Variants in LARP7 observed in about 807,000 individuals in gnomAD.
LARP7 encodes La ribonucleoprotein 7, transcriptional regulator, also known as la-related protein 7.
LARP7 carries 52 observed loss-of-function variants against 69.3 expected under a neutral mutation model. The observed-to-expected ratio is 0.75, with a 90% confidence interval of 0.60 to 0.95. The LOEUF (loss-of-function observed/expected upper bound fraction) is 0.95. Ranked by LOEUF, LARP7 falls within the 40% of genes least tolerant of loss-of-function variation. LARP7 has a pLI of 0.00. For missense variants in LARP7, 733 were observed against 673.0 expected (o/e 1.09, Z -0.99); for synonymous variants, 254 against 215.9 (o/e 1.18, Z -1.55).
chr4:112,644,635 T>C, intron 1 of LARP7, 33 bp from the exon 2 acceptor site: 1 of 1,495,300 alleles, frequency 6.7e-7, no homozygotes, highest in Non-Finnish European at 9.2e-7. Flanking sequence ...TGTGGTGATT[T>C]AAATATTTAC....
At position 112,647,090 on chromosome 4, in the gene LARP7, A is replaced by G; in HGVS notation, c.609A>G (p.Thr203=). The G allele has an allele frequency of 6.2e-7, 1 of 1,611,666 alleles. No individual in the cohort carries two copies. Residue 203 remains threonine, a synonymous_variant, in exon 6 of 13, where the codon ACA becomes ACG. Coordinates refer to ENST00000344442, the MANE Select transcript of LARP7 (RefSeq NM_016648.4). The stretch of plus-strand genomic sequence containing the variant: ...GAAAACCTGGCATATTTCCTAAAAC[A>G]GTGAAAAATAAGCCCATTCCAGCCT... ...APRKPGIFPK[T]VKNKPIPALR... is the part of the protein sequence containing the mutation.
chr4:112,647,896 A>G (rs2048401799), intron 8 of LARP7, 62 bp downstream of exon 8: 1 of 1,165,894 alleles, frequency 8.6e-7, no homozygotes, highest in South Asian at 1.2e-5. Flanking sequence ...CTAAAGTGCA[A>G]TTCCAATTTA....
Position 112,647,348 on chromosome 4 carries a change from A to T in LARP7, c.796A>T (p.Thr266Ser). 1 of 1,614,100 alleles carries T rather than the reference A, an allele frequency of 6.2e-7. No individual in the cohort carries two copies. The highest frequency in any genetic ancestry group is 8.5e-7 in the Non-Finnish European group (1 of 1,180,006). ...ATCTGAGGGCTCTGACATTGAGTCC[A>T]CTGAACCCCAAAAGCAGTGCTCAAA... ...PTSEGSDIES[T>S]EPQKQCSKKK... is the part of the protein sequence containing the mutation. The change falls in exon 7 of 13, where the codon ACT becomes TCT. Residue 266 changes from threonine to serine, a missense_variant. By Grantham distance (58) the Thr-to-Ser change is moderately conservative. Coordinates refer to ENST00000344442, the MANE Select transcript of LARP7 (RefSeq NM_016648.4).
intron 12 of LARP7, 188 bp downstream of exon 12, chr4:112,654,347 A>G: frequency 4.1e-6 from 2 of 482,124 alleles, no homozygotes; most frequent in South Asian, 7.0e-5. Flanking sequence ...ATGAAATTGA[A>G]TTATTTTTCT....
chr4:112,654,020 C>T (rs751340909), intron 11 of LARP7, 48 bp from the exon 12 acceptor site: 1 of 1,353,636 alleles, frequency 7.4e-7, no homozygotes, highest in Non-Finnish European at 1.1e-6. Flanking sequence ...TATGGTTTTT[C>T]AGATATGTTC....
chr4:112,648,358 A>T (rs533254696), intron 8 of LARP7: 5 of 534,582 alleles, frequency 9.4e-6, no homozygotes, highest in East Asian at 1.1e-4. Flanking sequence ...GCTGGCTTGG[A>T]GACACCTCCA....
At chr4:112,640,150 G>T (rs2047903920) in intron 1 of LARP7, among the ~76,000 whole-genome samples, 2 of 152,022 alleles carry the variant, frequency 1.3e-5, no homozygotes, top group South Asian at 2.1e-4. Context: ...TGTTGGCCAG[G>T]CTGGTCTTGA....
chr4:112,655,036 T>C (rs1009776990), intron 12 of LARP7, among the ~76,000 whole-genome samples: 1 of 150,476 alleles, frequency 6.6e-6, no homozygotes, highest in Non-Finnish European at 1.5e-5. Context: ...AAAAAGCAAG[T>C]GTTTTTCATC....
intron 12 of LARP7, 41 bp from the exon 13 acceptor site, chr4:112,657,206 A>G: frequency 1.2e-6 from 1 of 846,492 alleles, no homozygotes; most frequent in East Asian, 3.4e-5. Context: ...GTGTGTTTTG[A>G]GTATCCAATA....
At chr4:112,654,027 G>C in intron 11 of LARP7, 41 bp from the exon 12 acceptor site, 1 of 1,414,472 alleles carries the variant, frequency 7.1e-7, no homozygotes, top group Non-Finnish European at 1.0e-6. Context: ...TTTCAGATAT[G>C]TTCTTCTTTT....
intron 10 of LARP7, among the ~76,000 whole-genome samples, chr4:112,651,666 T>TA (rs1472998119): frequency 1.3e-5 from 2 of 152,162 alleles, no homozygotes; most frequent in African/African-American, 4.8e-5. Flanking sequence ...AGTAGTTACT[T>TA]ACATTTTGCT....
intron 8 of LARP7, chr4:112,648,037 A>T: frequency 1.5e-6 from 1 of 661,384 alleles, no homozygotes; most frequent in Non-Finnish European, 2.9e-6. Context: ...TATTTTTGTC[A>T]TGTCACAGCA....
At position 112,649,640 on chromosome 4, in the gene LARP7, A is replaced by G. The variant is rs764711655; in HGVS notation, c.1248A>G (p.Glu416=). 1.2e-6 allele frequency: 2 copies of G among 1,609,790 alleles called. No individual in the cohort carries two copies. The highest frequency in any genetic ancestry group is 3.4e-5 in the Admixed American group (2 of 59,636). Residue 416 remains glutamate, a synonymous_variant, in exon 9 of 13, where the codon GAA becomes GAG. Transcript: ENST00000344442. The part of the protein sequence containing the change: ...ISQIKSESEM[E]TDSGVPQNTG... The stretch of plus-strand genomic sequence containing the variant: ...AAATAAAATCAGAGTCAGAAATGGA[A>G]ACAGACAGTGGAGTACCTCAAAACA...
intron 10 of LARP7, 149 bp from the exon 11 acceptor site, chr4:112,652,928 G>A (rs1431003717): frequency 2.2e-6 from 1 of 445,836 alleles, no homozygotes; most frequent in Non-Finnish European, 3.8e-6. Context: ...ATGCTTTACA[G>A]GAAATATTTG....
chr4:112,653,156 C>T lies in LARP7; in HGVS notation c.1496C>T (p.Thr499Ile), dbSNP rs773496610. Residue 499 changes from threonine (T) to isoleucine (I), a missense_variant, in exon 11 of 13, where the codon ACT becomes ATT. Transcript: ENST00000344442. ...ACAGAATGCCATGCTAGATTTAAAA[C>T]TCCTGAGGATGCTCAAGCAGTAATA... ...GDTECHARFK[T>I]PEDAQAVINA... is the part of the protein sequence containing the mutation. 1.9e-6 allele frequency: 3 copies of T among 1,610,552 alleles called. No homozygotes were observed. The highest frequency in any genetic ancestry group is 4.5e-5 in the East Asian group (2 of 44,694).
At chr4:112,647,151 T>C in intron 6 of LARP7, 24 bp downstream of exon 6, 1 of 1,597,320 alleles carries the variant, frequency 6.3e-7, no homozygotes, top group Non-Finnish European at 8.5e-7. Flanking sequence ...AATATTTAAA[T>C]AGGTGTAGTT....
chr4:112,638,534 A>G (rs1222276943), intron 1 of LARP7, among the ~76,000 whole-genome samples: 1 of 152,158 alleles, frequency 6.6e-6, no homozygotes, highest in African/African-American at 2.4e-5. Flanking sequence ...TATTCATTTC[A>G]ACGTTCCTGA....
intron 8 of LARP7, chr4:112,648,552 G>A (rs916839397): frequency 9.5e-6 from 5 of 525,228 alleles, no homozygotes; most frequent in Admixed American, 2.0e-5. Context: ...TAAAGTTGAA[G>A]GGAGCCCACC....
intron 9 of LARP7, 36 bp from the exon 10 acceptor site, chr4:112,650,425 G>T: frequency 6.2e-7 from 1 of 1,609,282 alleles, no homozygotes; most frequent in Non-Finnish European, 8.5e-7. Context: ...TTAAGTGTAA[G>T]AGATTTAGTC....
Sources: allele counts gnomAD v4.1 joint callset (sites outside exome capture counted in the v4.1 genomes callset), GRCh38; gene constraint gnomAD v4.1.1; transcripts MANE v1.5; gene names NCBI Gene and HGNC (gene_info 2026-07-23, HGNC 2026-07-21).